The following TASOR variants were observed in gnomAD, a reference collection of about 807,000 sequenced individuals.
TASOR encodes the protein transcription activation suppressor, also known as protein TASOR.
In TASOR, 53 loss-of-function variants were observed where a neutral mutation model predicts 178.6. The observed-to-expected ratio is 0.30, with a 90% CI of 0.24 to 0.37. The LOEUF (loss-of-function observed/expected upper bound fraction) is 0.37. Ranked by LOEUF, TASOR falls within the 10% of genes least tolerant of loss-of-function variation. The pLI is 1.00. For missense variants in TASOR, 1,815 were observed against 1,971.4 expected (o/e 0.92, Z 1.50); for synonymous variants, 713 against 696.2 (o/e 1.02, Z -0.38).
chr3:56,629,869 A>T (rs2076873387), intron 18 of TASOR, among the ~76,000 whole-genome samples: 3 of 152,176 alleles, frequency 2.0e-5, no homozygotes, highest in African/African-American at 7.2e-5. Context: ...AGCACCTTCT[A>T]CACTGATTTT....
rs564708725 is a variant in TASOR, at chr3:56,675,456, C to T, written c.332-1731G>A. On this transcript the variant is annotated intron_variant, in intron 1 of 23. Transcript: ENST00000683822. ...CCTCCCAAAGTGCTGGGATTACGGG[C>T]ATGAGCCACCGTGCCCGGTCCCCAC... Among the ~76,000 whole-genome samples, 11 of 152,288 alleles carry T rather than the reference C, an allele frequency of 7.2e-5. No homozygotes were observed. The South Asian group carries it at 1.9e-3, about 26-fold the overall frequency.
At chr3:56,663,966 G>T in intron 7 of TASOR, 1 of 608,876 alleles carries the variant, frequency 1.6e-6, no homozygotes, top group Non-Finnish European at 2.0e-6. Context: ...CACAGTTCTA[G>T]GTAATAGGAT....
Position 56,660,910 on chromosome 3 carries a change from T to A in TASOR, c.1264+4A>T. On this transcript the variant is annotated splice_donor_region_variant and intron_variant, in intron 10 of 23. Coordinates refer to ENST00000683822, the MANE Select transcript of TASOR (RefSeq NM_001365635.2). The stretch of plus-strand genomic sequence containing the variant: ...TGCATTTCAATAAAATTAAATTACC[T>A]TACCTTCATTTGGACCTAAGTATGT... The A allele has an allele frequency of 6.2e-7, 1 of 1,609,892 alleles. No homozygotes were observed. The highest frequency in any genetic ancestry group is 8.5e-7 in the Non-Finnish European group (1 of 1,177,430).
At chr3:56,654,418 T>C (rs1286342660) in intron 11 of TASOR, among the ~76,000 whole-genome samples, 1 of 152,070 alleles carries the variant, frequency 6.6e-6, no homozygotes, top group African/African-American at 2.4e-5. Flanking sequence ...GGTGGTAGTT[T>C]CTATACAAGC....
rs770110705 is a variant in TASOR at position 56,621,572 on chromosome 3, T to C, written c.*1465A>G. The C allele has an allele frequency of 1.2e-6, 2 of 1,602,800 alleles. No homozygotes were observed. Among genetic ancestry groups the C allele is most frequent in the African/African-American group, 1.3e-5 (1 of 74,500 alleles). On this transcript the variant is annotated 3_prime_UTR_variant, in exon 24 of 24. Coordinates refer to ENST00000683822, the MANE Select transcript of TASOR (RefSeq NM_001365635.2). ...CAAAAGGAGTTGGAAAGTAGTCTCC[T>C]GCCTTTAGCTGAAAATCAAGAAGAG...
At chr3:56,677,448 C>G (rs1458086990) in intron 1 of TASOR, among the ~76,000 whole-genome samples, 1 of 152,190 alleles carries the variant, frequency 6.6e-6, no homozygotes, top group Non-Finnish European at 1.5e-5. Flanking sequence ...CAAAACTACA[C>G]TATGAAGTTC....
Position 56,621,438 on chromosome 3 carries a change from T to TA in TASOR, c.*1598dup, listed in dbSNP as rs1189738168. 1.5e-5 allele frequency: 13 copies of TA among 856,126 alleles called. No individual in the cohort carries two copies. The Admixed American group carries it at 3.0e-4, about 20-fold the overall frequency. 53.0% of individuals were successfully genotyped at this position (856,126 alleles called of 1,614,324 possible). A position where few individuals can be genotyped will look rare whatever the true frequency, so the allele number is the denominator to read the frequency against. The stretch of plus-strand genomic sequence containing the variant: ...AATGACAAAATTTTATCCTAAGCGA[T>TA]ATGTTTTCCAAGTGAATATAATTCT... On this transcript the variant is annotated 3_prime_UTR_variant, in exon 24 of 24. Coordinates refer to ENST00000683822, the MANE Select transcript of TASOR (RefSeq NM_001365635.2).
Position 56,648,939 on chromosome 3 carries a change from AAGTT to A in TASOR, c.1441+42_1441+45del, listed in dbSNP as rs1379278034. 3 of 1,594,976 alleles carry A rather than the reference AAGTT, an allele frequency of 1.9e-6. No individual in the cohort carries two copies. The South Asian group carries it at 3.5e-5, about 18-fold the overall frequency. ...TCATTAGCAATGTGTTTTAACTAAA[AAGTT>A]AAGAAAGAATTGTAAAAATTTATTA... On this transcript the variant is annotated intron_variant, in intron 12 of 23. Transcript: ENST00000683822.
chr3:56,636,521 C>CA (rs1298946132), intron 17 of TASOR, among the ~76,000 whole-genome samples: 1 of 151,592 alleles, frequency 6.6e-6, no homozygotes, highest in African/African-American at 2.4e-5. Flanking sequence ...TCTCCTGCCT[C>CA]AGCCTCCCGA....
intron 1 of TASOR, among the ~76,000 whole-genome samples, chr3:56,679,837 G>C (rs753195409): frequency 6.6e-6 from 1 of 152,062 alleles, no homozygotes; most frequent in South Asian, 2.1e-4. Flanking sequence ...TCTACAATTT[G>C]GTTAAATTCT....
intron 21 of TASOR, among the ~76,000 whole-genome samples, 163 bp downstream of exon 21, chr3:56,626,874 T>G (rs1362970447): frequency 6.6e-6 from 1 of 152,058 alleles, no homozygotes; most frequent in African/African-American, 2.4e-5. Flanking sequence ...AAATACTGCT[T>G]CTTATAAAGG....
rs115394061 is a variant in TASOR at position 56,644,176 on chromosome 3, T to G, written c.2215+2346A>C. Among the ~76,000 whole-genome samples the G allele has an allele frequency of 3.3e-3, 507 of 152,336 alleles. 1 individual carries two copies. Among genetic ancestry groups the G allele is most frequent in the Non-Finnish European group, 5.4e-3 (365 of 68,020 alleles). On this transcript the variant is annotated intron_variant, in intron 14 of 23. Transcript: ENST00000683822. ...CGGATTGTGCCACTAACTTCATAAC[T>G]TTTGGTAAAGTTATTTAACTTATCT...
chr3:56,628,690 TA>T (rs760504097), intron 18 of TASOR, 76 bp from the exon 19 acceptor site: 1 of 988,152 alleles, frequency 1.0e-6, no homozygotes, highest in Non-Finnish European at 1.5e-6. Context: ...AAATGCAAGA[TA>T]AACTGATAAG....
intron 17 of TASOR, among the ~76,000 whole-genome samples, chr3:56,636,459 C>T (rs2077019634): frequency 6.7e-6 from 1 of 149,500 alleles, no homozygotes; most frequent in Admixed American, 6.7e-5. Flanking sequence ...GGCTGGAGTG[C>T]AGTGGTGAGA....
At chr3:56,640,848 T>TA (rs2077106564) in intron 15 of TASOR, among the ~76,000 whole-genome samples, 1 of 152,168 alleles carries the variant, frequency 6.6e-6, no homozygotes, top group Non-Finnish European at 1.5e-5. Flanking sequence ...GACACTCTAA[T>TA]AAGCAAGGCT....
At chr3:56,642,687 T>C (rs1578219898) in intron 14 of TASOR, among the ~76,000 whole-genome samples, 3 of 152,100 alleles carry the variant, frequency 2.0e-5, no homozygotes, top group East Asian at 1.9e-4. Flanking sequence ...CATATAAAAA[T>C]GTTCTGGCCA....
intron 13 of TASOR, among the ~76,000 whole-genome samples, chr3:56,647,781 G>T (rs1173963149): frequency 3.9e-5 from 6 of 152,164 alleles, no homozygotes; most frequent in African/African-American, 1.4e-4. Context: ...AACAAATCTT[G>T]TCTTATATCA....
intron 8 of TASOR, 70 bp downstream of exon 8, chr3:56,663,471 A>C (rs1050006683): frequency 3.4e-6 from 3 of 879,092 alleles, no homozygotes; most frequent in Non-Finnish European, 4.7e-6. Flanking sequence ...AATAATACAA[A>C]GCACTTAATC....
intron 18 of TASOR, among the ~76,000 whole-genome samples, chr3:56,629,494 T>G (rs765336439): frequency 1.3e-5 from 2 of 152,202 alleles, no homozygotes; most frequent in Non-Finnish European, 1.5e-5. Context: ...AGCATTTATA[T>G]AGAGCTTCAT....
Sources: allele counts gnomAD v4.1 joint callset (sites outside exome capture counted in the v4.1 genomes callset), GRCh38; gene constraint gnomAD v4.1.1; transcripts MANE v1.5; gene names NCBI Gene and HGNC (gene_info 2026-07-23, HGNC 2026-07-21).